RIT2: variants seen among roughly 807,000 people sequenced by gnomAD.
RIT2 encodes the protein GTP-binding protein Rit2.
Under a neutral mutation model 23.7 loss-of-function variants are expected in RIT2, and 24 were observed. The ratio of observed to expected loss-of-function variants is 1.01; its 90% confidence interval spans 0.73 to 1.43. RIT2 has a LOEUF of 1.43. Ranked by LOEUF, RIT2 falls within the 40% of genes most tolerant of loss-of-function variation. RIT2 has a pLI of 0.00. For synonymous variants in RIT2, 107 were observed against 91.1 expected, an observed-to-expected ratio of 1.17 and a Z score of -0.99; for missense variants, 236 against 266.9, an observed-to-expected ratio of 0.88 and a Z score of 0.81.
At chr18:42,912,230 TG>T (rs1908788249) in intron 4 of RIT2, among the ~76,000 whole-genome samples, 1 of 146,720 alleles carries the variant, frequency 6.8e-6, no homozygotes, top group Non-Finnish European at 1.5e-5. Flanking sequence ...TACCCATTCA[TG>T]AAAAAAAAAA....
chr18:42,906,355 A>G (rs1392251116), intron 4 of RIT2, among the ~76,000 whole-genome samples: 2 of 152,156 alleles, frequency 1.3e-5, no homozygotes, highest in Non-Finnish European at 2.9e-5. Context: ...AATACTGAAT[A>G]TGCAGCAAAG....
chr18:42,830,859 G>A (rs1390202070), intron 4 of RIT2, among the ~76,000 whole-genome samples: 1 of 152,168 alleles, frequency 6.6e-6, no homozygotes, highest in African/African-American at 2.4e-5. Context: ...AATCAAGGCT[G>A]ATCAAGGTCT....
At chr18:42,972,215 T>C (rs1269763002) in intron 3 of RIT2, among the ~76,000 whole-genome samples, 1 of 151,948 alleles carries the variant, frequency 6.6e-6, no homozygotes, top group Non-Finnish European at 1.5e-5. Context: ...TTAGATAAGA[T>C]AGCCCTTTCA....
At chr18:42,915,103 A>G (rs539407256) in intron 4 of RIT2, among the ~76,000 whole-genome samples, 1 of 151,930 alleles carries the variant, frequency 6.6e-6, no homozygotes, top group East Asian at 1.9e-4. Context: ...TTGGATTTAC[A>G]GTATTGTCTT....
At chr18:42,938,112 G>A (rs1909507198) in intron 3 of RIT2, among the ~76,000 whole-genome samples, 1 of 152,160 alleles carries the variant, frequency 6.6e-6, no homozygotes. Context: ...AAAGAAAAGA[G>A]AGTGGAAGAG....
chr18:43,037,265 AT>A (rs1353596153), intron 1 of RIT2, among the ~76,000 whole-genome samples: 3 of 152,222 alleles, frequency 2.0e-5, no homozygotes, highest in Non-Finnish European at 4.4e-5. Context: ...ATAAATCAAT[AT>A]TTTGATCAGA....
chr18:42,912,991 A>G (rs1908810261), intron 4 of RIT2, among the ~76,000 whole-genome samples: 1 of 151,954 alleles, frequency 6.6e-6, no homozygotes, highest in Non-Finnish European at 1.5e-5. Flanking sequence ...GGAATTATTG[A>G]TGTTAAGACT....
chr18:42,758,193 G>A (rs966481082), intron 4 of RIT2, among the ~76,000 whole-genome samples: 7 of 151,624 alleles, frequency 4.6e-5, no homozygotes, highest in Admixed American at 6.6e-5. Flanking sequence ...GATAGGGCTG[G>A]GGAAGGAAAG....
intron 4 of RIT2, among the ~76,000 whole-genome samples, chr18:42,751,393 A>T (rs1913042639): frequency 6.6e-6 from 1 of 151,862 alleles, no homozygotes; most frequent in South Asian, 2.1e-4. Flanking sequence ...ACACATACAT[A>T]TTTATAAAAT....
intron 1 of RIT2, among the ~76,000 whole-genome samples, chr18:43,076,654 T>C (rs1913025584): frequency 1.3e-5 from 2 of 152,168 alleles, no homozygotes; most frequent in South Asian, 2.1e-4. Flanking sequence ...TAACATTTGA[T>C]TGAGGTCCAT....
chr18:42,990,009 ATG>A (rs5824463), intron 2 of RIT2, among the ~76,000 whole-genome samples: 1,739 of 148,872 alleles, frequency 0.012, 10 homozygotes, highest in African/African-American at 0.022. Context: ...ATTTACAGAT[ATG>A]TGTGTGTGTG....
chr18:43,027,551 G>T (rs185409474), intron 2 of RIT2, among the ~76,000 whole-genome samples: 1 of 152,134 alleles, frequency 6.6e-6, no homozygotes, highest in Admixed American at 6.6e-5. Context: ...AGCTTTAGAA[G>T]TATCTTCTGG....
chr18:42,875,015 A>T (rs1171580028), intron 4 of RIT2, among the ~76,000 whole-genome samples: 1 of 152,070 alleles, frequency 6.6e-6, no homozygotes, highest in Non-Finnish European at 1.5e-5. Flanking sequence ...GCATAGAGAA[A>T]AATTGAGAAC....
At chr18:42,800,891 T>C (rs1293493615) in intron 4 of RIT2, among the ~76,000 whole-genome samples, 4 of 152,194 alleles carry the variant, frequency 2.6e-5, no homozygotes. Flanking sequence ...TATATTGGAA[T>C]TATTACCTCT....
chr18:42,862,830 T>C (rs1907364340), intron 4 of RIT2, among the ~76,000 whole-genome samples: 1 of 152,204 alleles, frequency 6.6e-6, no homozygotes, highest in African/African-American at 2.4e-5. Context: ...AACTCTCTAT[T>C]CTGGGTTTAT....
intron 1 of RIT2, among the ~76,000 whole-genome samples, chr18:43,089,526 T>C (rs1304322517): frequency 6.6e-6 from 1 of 151,258 alleles, no homozygotes; most frequent in Non-Finnish European, 1.5e-5. Context: ...AAAAAAACTA[T>C]TATAAAATTT....
At chr18:42,755,765 A>G (rs1027162854) in intron 4 of RIT2, among the ~76,000 whole-genome samples, 20 of 152,180 alleles carry the variant, frequency 1.3e-4, no homozygotes, top group Admixed American at 1.2e-3. Flanking sequence ...AGGCTACAAT[A>G]AACAGAGGAG....
At chr18:42,746,732 T>C (rs1326687611) in intron 4 of RIT2, among the ~76,000 whole-genome samples, 1 of 151,970 alleles carries the variant, frequency 6.6e-6, no homozygotes, top group African/African-American at 2.4e-5. Flanking sequence ...AAATCATTAT[T>C]TGAAGCCAGT....
At chr18:43,025,467 AG>A (rs1911695035) in intron 2 of RIT2, among the ~76,000 whole-genome samples, 2 of 152,108 alleles carry the variant, frequency 1.3e-5, no homozygotes, top group African/African-American at 4.8e-5. Context: ...CATAGCAAAA[AG>A]GTACCTACAC....
Sources: allele counts gnomAD v4.1 joint callset (sites outside exome capture counted in the v4.1 genomes callset), GRCh38; gene constraint gnomAD v4.1.1; transcripts MANE v1.5; gene names NCBI Gene and HGNC (gene_info 2026-07-23, HGNC 2026-07-21).